Variants in PLEKHH2 observed in about 807,000 individuals in gnomAD.
The protein encoded by PLEKHH2 is pleckstrin homology domain-containing family H member 2.
Under a neutral mutation model 187.9 loss-of-function variants are expected in PLEKHH2, and 129 were observed. That is an observed-to-expected ratio of 0.69 (90% confidence interval 0.59 to 0.79). The LOEUF (loss-of-function observed/expected upper bound fraction) is 0.79. Among genes scored for constraint, PLEKHH2 ranks in the 30% least tolerant of loss-of-function variants. The probability of loss-of-function intolerance (pLI) is 0.00; values close to 1 mark genes in which losing one functional copy is unlikely to be tolerated. For synonymous variants in PLEKHH2, 686 were observed against 605.6 expected, an observed-to-expected ratio of 1.13 and a Z score of -1.95; for missense variants, 2,076 against 1,751.2, an observed-to-expected ratio of 1.19 and a Z score of -3.31.
At chr2:43,656,910 T>C (rs1666798315) in intron 2 of PLEKHH2, among the ~76,000 whole-genome samples, 1 of 152,106 alleles carries the variant, frequency 6.6e-6, no homozygotes, top group South Asian at 2.1e-4. Flanking sequence ...TCCCAGCTAC[T>C]TGGGAGGCTG....
intron 2 of PLEKHH2, chr2:43,676,186 C>T (rs376793753): frequency 1.2e-6 from 2 of 1,613,812 alleles, no homozygotes; most frequent in African/African-American, 1.3e-5. Flanking sequence ...GTTAGGTGGA[C>T]GAAGGTGATG....
intron 15 of PLEKHH2, among the ~76,000 whole-genome samples, chr2:43,719,000 T>A (rs1429920203): frequency 6.6e-6 from 1 of 152,220 alleles, no homozygotes; most frequent in African/African-American, 2.4e-5. Context: ...TGTGTTTTAC[T>A]TTTTATTCAT....
intron 25 of PLEKHH2, among the ~76,000 whole-genome samples, chr2:43,756,638 G>A (rs1672220717): frequency 6.6e-6 from 1 of 152,138 alleles, no homozygotes; most frequent in South Asian, 2.1e-4. Flanking sequence ...TTAAATTACA[G>A]ATTTTTTTCA....
chr2:43,676,426 C>G (rs1208693654), intron 2 of PLEKHH2: 1 of 862,360 alleles, frequency 1.2e-6, no homozygotes, highest in African/African-American at 1.7e-5. Flanking sequence ...GGTTGGGCCA[C>G]TCTAGCTGCG....
At chr2:43,711,367 G>T (rs1397879835) in intron 14 of PLEKHH2, 1 of 985,270 alleles carries the variant, frequency 1.0e-6, no homozygotes, top group South Asian at 4.7e-5. Context: ...AGAATCATTT[G>T]TAAGTTTCTG....
At chr2:43,729,586 C>G in intron 17 of PLEKHH2, 51 bp from the exon 18 acceptor site, 46 of 1,205,178 alleles carry the variant, frequency 3.8e-5, no homozygotes, top group Non-Finnish European at 2.3e-5. Context: ...GTTTTTTTTT[C>G]TTTAATCAAA....
intron 3 of PLEKHH2, among the ~76,000 whole-genome samples, chr2:43,684,234 C>T (rs138787653): frequency 2.0e-5 from 3 of 148,962 alleles, no homozygotes; most frequent in African/African-American, 7.4e-5. Context: ...CTTCTTTTTC[C>T]TTCATTGTCT....
At position 43,743,811 on chromosome 2, in the gene PLEKHH2, A is replaced by T; in HGVS notation, c.3400-23A>T. 1.9e-6 allele frequency: 3 copies of T among 1,592,936 alleles called. No individual in the cohort carries two copies. In the Middle Eastern group the frequency reaches 5.0e-4, roughly 265 times the overall value. On this transcript the variant is annotated intron_variant, in intron 22 of 29. Transcript: ENST00000282406. ...AAACTATATATTTCTTATTAAGAGAACTGCTTTGTTATTTCTGTCTAGGTA... is the reference window on the plus strand; with the variant it reads ...AAACTATATATTTCTTATTAAGAGATCTGCTTTGTTATTTCTGTCTAGGTA...
chr2:43,694,921 A>G (rs1669014261), intron 5 of PLEKHH2, among the ~76,000 whole-genome samples: 1 of 152,146 alleles, frequency 6.6e-6, no homozygotes, highest in Admixed American at 6.5e-5. Flanking sequence ...GGGTGAAAAC[A>G]TTTAAAACTC....
chr2:43,668,409 A>G (rs906998328), intron 2 of PLEKHH2, among the ~76,000 whole-genome samples: 20 of 152,140 alleles, frequency 1.3e-4, no homozygotes, highest in Admixed American at 9.8e-4. Flanking sequence ...GTTTCATAAA[A>G]TATTAGATCA....
intron 14 of PLEKHH2, 158 bp from the exon 15 acceptor site, chr2:43,712,067 T>G (rs1024720618): frequency 3.9e-6 from 5 of 1,288,930 alleles, no homozygotes; most frequent in Non-Finnish European, 5.1e-6. Flanking sequence ...GTTAAAATAT[T>G]CTAACTGATA....
intron 7 of PLEKHH2, among the ~76,000 whole-genome samples, chr2:43,698,832 A>T (rs1476435518): frequency 2.0e-5 from 3 of 152,200 alleles, no homozygotes; most frequent in Non-Finnish European, 4.4e-5. Context: ...TAATTATGTT[A>T]TACATAAAAA....
In PLEKHH2 at chr2:43,718,376, A is replaced by T. The variant is rs551299368; in HGVS notation, c.2461-2293A>T. Among the ~76,000 whole-genome samples the T allele has an allele frequency of 4.6e-5, 7 of 152,190 alleles. No homozygotes were observed. The South Asian group carries it at 1.5e-3, about 32-fold the overall frequency. ...AACATGGTGAAACCCTGTCTCTACT[A>T]AAAATACAAAAATTAGCTGGCCATG... is the stretch of plus-strand genomic sequence containing the variant. On this transcript the variant is annotated intron_variant, in intron 15 of 29. Coordinates refer to ENST00000282406, the MANE Select transcript of PLEKHH2 (RefSeq NM_172069.4).
intron 26 of PLEKHH2, 128 bp from the exon 27 acceptor site, chr2:43,758,772 C>G: frequency 1.4e-6 from 1 of 695,788 alleles, no homozygotes; most frequent in Non-Finnish European, 2.2e-6. Context: ...AAATCTTTAC[C>G]TGGGTTATGC....
In PLEKHH2 at chr2:43,704,389, C is replaced by T. The variant is rs143466605; in HGVS notation, c.1726+333C>T. Among the ~76,000 whole-genome samples, 751 of 152,046 alleles carry T rather than the reference C, an allele frequency of 4.9e-3. 6 individuals carry two copies. The highest frequency in any genetic ancestry group is 0.017 in the African/African-American group (711 of 41,500). On this transcript the variant is annotated intron_variant, in intron 9 of 29. Transcript: ENST00000282406. ...AAAAATGATTAAGATGGGCCGGGCA[C>T]GGTGGCTCGCGCCTGTTATCCCAGC...
At position 43,697,249 on chromosome 2, in the gene PLEKHH2, G is replaced by C. The variant is rs1335023766; in HGVS notation, c.581G>C (p.Gly194Ala). Residue 194 changes from glycine (G) to alanine (A), a missense_variant, in exon 7 of 30, where the codon GGG becomes GCG. Gly to Ala is a moderately conservative substitution (Grantham distance 60, BLOSUM62 0). Transcript: ENST00000282406. ...CAGCGCCTGAGCAGTTTGACCTTTG[G>C]GTGCTTTTTATCTCGAGCAAGGAGT... is the stretch of plus-strand genomic sequence containing the variant. ...EGQRLSSLTF[G>A]CFLSRARSPP... 3 of 1,613,784 alleles carry C rather than the reference G, an allele frequency of 1.9e-6. No individual in the cohort carries two copies. Among genetic ancestry groups the C allele is most frequent in the Non-Finnish European group, 2.5e-6 (3 of 1,179,800 alleles).
chr2:43,747,847 G>A (rs1671842527), intron 24 of PLEKHH2, among the ~76,000 whole-genome samples: 1 of 152,134 alleles, frequency 6.6e-6, no homozygotes, highest in African/African-American at 2.4e-5. Flanking sequence ...AAGAATTGAA[G>A]GCACTGTACA....
chr2:43,757,556 C>T (rs1672264992), intron 26 of PLEKHH2, among the ~76,000 whole-genome samples: 1 of 151,776 alleles, frequency 6.6e-6, no homozygotes, highest in Non-Finnish European at 1.5e-5. Context: ...GTAGCTGGGA[C>T]TACAGGCGCC....
rs1666105749 is a variant in PLEKHH2, at chr2:43,644,728, G to T, written c.55G>T (p.Ala19Ser). The T allele has an allele frequency of 1.2e-6, 2 of 1,609,286 alleles. No individual in the cohort carries two copies. The highest frequency in any genetic ancestry group is 1.3e-5 in the African/African-American group (1 of 74,776). ...GPVDWKERCV[A>S]LESQLMKFRV... ...AGTAGATTGGAAGGAACGATGTGTA[G>T]CTCTGGAGTCCCAACTCATGAAATT... The change falls in exon 2 of 30, where the codon GCT becomes TCT. Residue 19 changes from alanine (A) to serine (S), a missense_variant. Physicochemically the swap from Ala to Ser is moderately conservative, Grantham distance 99. Transcript: ENST00000282406.
Sources: allele counts gnomAD v4.1 joint callset (sites outside exome capture counted in the v4.1 genomes callset), GRCh38; gene constraint gnomAD v4.1.1; transcripts MANE v1.5; gene names NCBI Gene and HGNC (gene_info 2026-07-23, HGNC 2026-07-21).